The following ORMDL1 variants were observed in gnomAD, a reference collection of about 807,000 sequenced individuals.
ORMDL1 encodes ORM1-like protein 1.
In ORMDL1, 10 loss-of-function variants were observed where a neutral mutation model predicts 13.0. The observed-to-expected ratio is 0.77, with a 90% CI of 0.47 to 1.30. ORMDL1 has a LOEUF of 1.30. ORMDL1 is among the 50% of genes most tolerant of loss of function. ORMDL1 has a pLI of 0.00. For missense variants in ORMDL1, 171 were observed against 186.7 expected, an observed-to-expected ratio of 0.92 and a Z score of 0.49; for synonymous variants, 61 against 63.9, an observed-to-expected ratio of 0.95 and a Z score of 0.22.
intron 1 of ORMDL1, among the ~76,000 whole-genome samples, chr2:189,783,885 G>A (rs1348617509): frequency 2.6e-5 from 4 of 152,202 alleles, no homozygotes; most frequent in Non-Finnish European, 5.9e-5. Flanking sequence ...AGACCGTGAA[G>A]AGGCTGTTGG....
At chr2:189,781,388 T>G (rs1241290726) in intron 3 of ORMDL1, among the ~76,000 whole-genome samples, 3 of 152,158 alleles carry the variant, frequency 2.0e-5, no homozygotes. Flanking sequence ...AATGGGTTAT[T>G]AAAGACAAGA....
chr2:189,776,326 A>AT (rs2047694187), intron 3 of ORMDL1, among the ~76,000 whole-genome samples: 1 of 152,280 alleles, frequency 6.6e-6, no homozygotes, highest in South Asian at 2.1e-4. Context: ...TTCTGAAGTC[A>AT]GTTTTAAAAA....
intron 4 of ORMDL1, chr2:189,773,991 A>AT (rs2047639095): frequency 6.6e-6 from 1 of 152,152 alleles, no homozygotes; most frequent in Non-Finnish European, 1.5e-5. Context: ...AATGTCAGGC[A>AT]TTTTACATGT....
chr2:189,784,084 T>C (rs975065871), intron 1 of ORMDL1, 185 bp downstream of exon 1: 3 of 152,252 alleles, frequency 2.0e-5, no homozygotes, highest in South Asian at 2.1e-4. Flanking sequence ...GTCAGGACCC[T>C]GGCAAGACAA....
At chr2:189,780,144 C>T (rs1435830621) in intron 3 of ORMDL1, among the ~76,000 whole-genome samples, 4 of 152,270 alleles carry the variant, frequency 2.6e-5, no homozygotes, top group East Asian at 1.9e-4. Flanking sequence ...ATACATCATA[C>T]ACACACAGCC....
intron 4 of ORMDL1, chr2:189,773,978 C>G (rs1332574347): frequency 6.6e-6 from 1 of 152,114 alleles, no homozygotes; most frequent in African/African-American, 2.4e-5. Flanking sequence ...ATTAAAACTT[C>G]TGAATGTCAG....
At chr2:189,772,432 T>C (rs998201211) in intron 4 of ORMDL1, among the ~76,000 whole-genome samples, 1 of 152,234 alleles carries the variant, frequency 6.6e-6, no homozygotes, top group African/African-American at 2.4e-5. Context: ...AGCAGCTCTA[T>C]AACCAGTTTA....
Position 189,782,552 on chromosome 2 carries a change from C to T in ORMDL1, c.44G>A (p.Arg15His), listed in dbSNP as rs1206343116. The T allele has an allele frequency of 3.7e-6, 6 of 1,614,192 alleles. No individual in the cohort carries two copies. Among genetic ancestry groups the T allele is most frequent in the South Asian group, 2.2e-5 (2 of 91,086 alleles). Residue 15 changes from arginine (R) to histidine (H), a missense_variant, in exon 3 of 5, where the codon CGT (arginine) becomes CAT (histidine). Arg to His is a conservative substitution (Grantham distance 29). Transcript: ENST00000392349. ...VAHSEVNPNT[R>H]VMNSRGMWLT... Reference sequence around the variant, plus strand: ...CCACATACCCCGGCTGTTCATGACACGGGTATTTGGATTCACTTCACTGTG... The same window carrying T: ...CCACATACCCCGGCTGTTCATGACATGGGTATTTGGATTCACTTCACTGTG...
In ORMDL1 at chr2:189,775,545, TA is replaced by T; in HGVS notation, c.326+19del. The T allele has an allele frequency of 6.3e-7, 1 of 1,585,798 alleles. No individual in the cohort carries two copies. The highest frequency in any genetic ancestry group is 2.3e-5 in the East Asian group (1 of 43,722). On this transcript the variant is annotated intron_variant, in intron 4 of 4. Transcript: ENST00000392349. ...CCTCTTATCCAATCCTCCTCATACC[TA>T]AAAATTTCTGCCACTTACAGAATTA...
At chr2:189,772,834 C>A (rs947433760) in intron 4 of ORMDL1, among the ~76,000 whole-genome samples, 2 of 152,254 alleles carry the variant, frequency 1.3e-5, no homozygotes, top group African/African-American at 4.8e-5. Flanking sequence ...AAGAGAGGAG[C>A]TACTTCCAAG....
At chr2:189,775,532 T>A in intron 4 of ORMDL1, 33 bp downstream of exon 4, 3 of 1,544,524 alleles carry the variant, frequency 1.9e-6, no homozygotes, top group Non-Finnish European at 2.6e-6. Flanking sequence ...TCTTATCCAA[T>A]CCTCCTCATA....
At chr2:189,776,900 GA>G (rs140706178) in intron 3 of ORMDL1, among the ~76,000 whole-genome samples, 7,036 of 151,732 alleles carry the variant, frequency 0.046, 554 homozygotes, top group African/African-American at 0.16. Flanking sequence ...AGATGATAAG[GA>G]AAAAAAATGC....
At chr2:189,782,210 G>A (rs2047860572) in intron 3 of ORMDL1, among the ~76,000 whole-genome samples, 1 of 152,030 alleles carries the variant, frequency 6.6e-6, no homozygotes, top group African/African-American at 2.4e-5. Context: ...CAAAGTGCTG[G>A]GACTTTAAAT....
At chr2:189,769,855 T>G (rs966656772), downstream of ORMDL1, among the ~76,000 whole-genome samples, 1 of 152,178 alleles carries the variant, frequency 6.6e-6, no homozygotes, top group Non-Finnish European at 1.5e-5. Flanking sequence ...ATGCTAAAAT[T>G]TGTGGCATTT....
chr2:189,765,839 A>T (rs1345818652), downstream of ORMDL1, among the ~76,000 whole-genome samples: 99 of 106,630 alleles, frequency 9.3e-4, no homozygotes, highest in Admixed American at 1.4e-3. Context: ...TACTTTCTCC[A>T]TTTTTTTTTT....
intron 3 of ORMDL1, among the ~76,000 whole-genome samples, chr2:189,779,496 T>G (rs992009754): frequency 1.3e-5 from 2 of 152,210 alleles, no homozygotes; most frequent in Admixed American, 1.3e-4. Context: ...GAGAGCAAGA[T>G]GATTTTCTTT....
downstream of ORMDL1, among the ~76,000 whole-genome samples, chr2:189,765,983 C>T (rs769585759): frequency 1.2e-4 from 18 of 151,978 alleles, no homozygotes; most frequent in Middle Eastern, 6.8e-3. Flanking sequence ...CACGCCACCA[C>T]GCCCAGCTAA....
Position 189,781,644 on chromosome 2 carries a change from G to C in ORMDL1, c.174+778C>G, listed in dbSNP as rs11899667. Among the ~76,000 whole-genome samples the C allele has an allele frequency of 4.0e-5, 6 of 151,212 alleles. No individual in the cohort carries two copies. In the East Asian group the frequency reaches 9.7e-4, roughly 24 times the overall value. ...AGTTAACAAGGATTGAAACTAAAAT[G>C]ATCTATTTTCTAGATTCTATACAAT... On this transcript the variant is annotated intron_variant, in intron 3 of 4. Transcript: ENST00000392349.
Position 189,775,585 on chromosome 2 carries a change from G to GA in ORMDL1, c.305dup (p.Thr103HisfsTer18). On this transcript the variant is annotated frameshift_variant, in exon 4 of 5. Coordinates refer to ENST00000392349, the MANE Select transcript of ORMDL1 (RefSeq NM_016467.5). LOFTEE classifies it high-confidence loss of function. ...CTTACAGAATTATTGGAGAAATTGT[G>GA]AAAAACTTCCGTGAAGATGTAAACT... is the stretch of plus-strand genomic sequence containing the variant. The GA allele has an allele frequency of 1.9e-6, 3 of 1,601,870 alleles. No homozygotes were observed. Among genetic ancestry groups the GA allele is most frequent in the Non-Finnish European group, 2.6e-6 (3 of 1,174,736 alleles).
Sources: allele counts gnomAD v4.1 joint callset (sites outside exome capture counted in the v4.1 genomes callset), GRCh38; gene constraint gnomAD v4.1.1; transcripts MANE v1.5; gene names NCBI Gene and HGNC (gene_info 2026-07-23, HGNC 2026-07-21).